Variants in SUN1 observed in about 807,000 individuals in gnomAD.
The protein encoded by SUN1 is SUN domain-containing protein 1.
A neutral mutation model predicts 103.2 loss-of-function variants in SUN1; 61 were observed. The observed-to-expected ratio is 0.59, with a 90% CI of 0.48 to 0.73. The LOEUF (loss-of-function observed/expected upper bound fraction) is 0.73, where lower values mean the gene tolerates loss of function less well. SUN1 is among the 30% of genes least tolerant of loss of function. The pLI is 0.00. For missense variants in SUN1, 1,052 were observed against 1,034.6 expected (o/e 1.02, Z -0.23); for synonymous variants, 490 against 425.7 (o/e 1.15, Z -1.86).
chr7:852,764 A>G (rs1440028732), intron 8 of SUN1, 46 bp from the exon 9 acceptor site: 1 of 1,612,282 alleles, frequency 6.2e-7, no homozygotes, highest in Non-Finnish European at 8.5e-7. Flanking sequence ...CCATGTTTTG[A>G]GAAGCGTGGT....
chr7:830,639 C>T (rs1007239915), upstream of SUN1, among the ~76,000 whole-genome samples: 3 of 152,180 alleles, frequency 2.0e-5, no homozygotes, highest in Non-Finnish European at 2.9e-5. Context: ...CCCTACCATC[C>T]CCATCTTCCT....
At chr7:852,555 G>C in intron 7 of SUN1, 54 bp from the exon 8 acceptor site, 1 of 1,608,172 alleles carries the variant, frequency 6.2e-7, no homozygotes, top group Non-Finnish European at 8.5e-7. Flanking sequence ...AAACAGATTG[G>C]TGAACCCTGA....
intron 2 of SUN1, among the ~76,000 whole-genome samples, chr7:840,639 C>CTT (rs540064618): frequency 0.026 from 3,270 of 127,572 alleles, 205 homozygotes; most frequent in East Asian, 0.18. Context: ...ACCATCTATT[C>CTT]TTTTTTTTTT....
upstream of SUN1, chr7:831,138 A>C: frequency 1.9e-6 from 1 of 517,576 alleles, no homozygotes; most frequent in Non-Finnish European, 2.5e-6. Flanking sequence ...GATCACAGTT[A>C]GTTTTATTTG....
At chr7:815,835 G>A (rs1780196317), upstream of SUN1, 1 of 203,926 alleles carries the variant, frequency 4.9e-6, no homozygotes, top group Non-Finnish European at 1.0e-5. Flanking sequence ...CCCGGCCTGC[G>A]AGCGCCTGCG....
At chr7:845,814 TC>T (rs1815008626) in intron 5 of SUN1, among the ~76,000 whole-genome samples, 1 of 152,190 alleles carries the variant, frequency 6.6e-6, no homozygotes, top group African/African-American at 2.4e-5. Context: ...GAGTGGGAAT[TC>T]TTACGCTTTT....
In SUN1 at chr7:825,409, A is replaced by G. The variant is rs1419751428; in HGVS notation, c.-74+8736A>G. Among the ~76,000 whole-genome samples the G allele has an allele frequency of 2.0e-5, 3 of 152,366 alleles. No individual in the cohort carries two copies. In the East Asian group the frequency reaches 5.8e-4, roughly 29 times the overall value. ...ATAAAACCAATACCTGCTCTTTAAAAAAATTTTCAAACAGCCTGAAAGGGG... is the reference window on the plus strand; with the variant it reads ...ATAAAACCAATACCTGCTCTTTAAAGAAATTTTCAAACAGCCTGAAAGGGG... On this transcript the variant is annotated intron_variant, in intron 1 of 17. Coordinates refer to the SUN1 transcript ENST00000389574.
chr7:852,197 T>C, intron 7 of SUN1, 154 bp downstream of exon 7: 1 of 705,508 alleles, frequency 1.4e-6, no homozygotes, highest in Non-Finnish European at 2.3e-6. Context: ...TTCTTATTTT[T>C]CAAACCAACC....
Position 853,422 on chromosome 7 carries a change from C to G in SUN1, c.1067C>G (p.Ala356Gly). 6.2e-7 allele frequency: 1 copy of G among 1,613,812 alleles called. No individual in the cohort carries two copies. The highest frequency in any genetic ancestry group is 8.5e-7 in the Non-Finnish European group (1 of 1,180,038). ...TTGCCATTTCAGGGTGACAGTGAGG[C>G]TTTTCCGTGGCATTGGATGAGTGGC... ...LKQPLQGDSE[A>G]FPWHWMSGVE... The change falls in exon 10 of 19, where the codon GCT (alanine) becomes GGT (glycine). Residue 356 changes from alanine to glycine, a missense_variant. Physicochemically the swap from Ala to Gly is moderately conservative, Grantham distance 60. Transcript: ENST00000401592.
intron 2 of SUN1, among the ~76,000 whole-genome samples, chr7:840,538 A>ACC (rs1306443433): frequency 2.6e-5 from 4 of 152,038 alleles, no homozygotes; most frequent in South Asian, 2.1e-4. Context: ...GGTTCCCCCT[A>ACC]CCTGACGGTG....
intron 1 of SUN1, among the ~76,000 whole-genome samples, chr7:818,863 T>TC (rs1226895605): frequency 5.6e-4 from 70 of 124,032 alleles, no homozygotes; most frequent in African/African-American, 2.3e-3. Context: ...CCCGCTCCCC[T>TC]CCCCCCCTTT....
chr7:821,143 C>T (rs1785498897), intron 1 of SUN1, among the ~76,000 whole-genome samples: 1 of 129,898 alleles, frequency 7.7e-6, no homozygotes, highest in African/African-American at 2.9e-5. Flanking sequence ...ATGCTAACAT[C>T]TATATTCAGC....
At chr7:841,867 G>A (rs1810315814) in intron 2 of SUN1, 79 bp from the exon 3 acceptor site, 2 of 1,454,858 alleles carry the variant, frequency 1.4e-6, no homozygotes. Context: ...CCCAGATTAA[G>A]AGTTTGTGTT....
chr7:854,774 C>T (rs1394906729), intron 10 of SUN1, 146 bp from the exon 11 acceptor site: 55 of 546,988 alleles, frequency 1.0e-4, no homozygotes, highest in Non-Finnish European at 1.5e-4. Flanking sequence ...TGTTATGAAG[C>T]GGATTATTCC....
intron 1 of SUN1, among the ~76,000 whole-genome samples, chr7:821,532 C>G (rs116625076): frequency 0.018 from 2,744 of 152,176 alleles, 92 homozygotes; most frequent in African/African-American, 0.063. Context: ...GTTTCCTGGT[C>G]CTGAATTTAT....
chr7:872,631 C>T (rs1330144321), intron 18 of SUN1, 69 bp downstream of exon 18: 6 of 1,267,152 alleles, frequency 4.7e-6, no homozygotes, highest in Non-Finnish European at 6.7e-6. Context: ...CAGGGCCCAG[C>T]TGGCATCAAC....
rs906706078 is a variant in SUN1, at chr7:869,641, C to T, written c.2148+125C>T. 128 of 1,187,642 alleles carry T rather than the reference C, an allele frequency of 1.1e-4. 1 individual carries two copies. Among genetic ancestry groups the T allele is most frequent in the Non-Finnish European group, 1.4e-4 (120 of 858,118 alleles). The allele number at this position is 1,187,642 out of a possible 1,614,324, so 73.6% of individuals were successfully genotyped here. ...CTGCCCCTCCGCCCTCTCTCAGATTCGGTGTTGAGGGGAACATTCCAGTGC... is the reference window on the plus strand; with the variant it reads ...CTGCCCCTCCGCCCTCTCTCAGATTTGGTGTTGAGGGGAACATTCCAGTGC... On this transcript the variant is annotated intron_variant, in intron 17 of 18. Transcript: ENST00000401592.
chr7:848,297 T>G, intron 5 of SUN1: 1 of 878,862 alleles, frequency 1.1e-6, no homozygotes, highest in East Asian at 5.5e-5. Flanking sequence ...CTTCCCCAAG[T>G]GATTATCTTT....
upstream of SUN1, among the ~76,000 whole-genome samples, chr7:829,980 C>G (rs1796467321): frequency 1.3e-5 from 2 of 152,236 alleles, no homozygotes; most frequent in Non-Finnish European, 2.9e-5. Context: ...TCATTTAATC[C>G]TTTTTTGACT....
Sources: allele counts gnomAD v4.1 joint callset (sites outside exome capture counted in the v4.1 genomes callset), GRCh38; gene constraint gnomAD v4.1.1; transcripts MANE v1.5; gene names NCBI Gene and HGNC (gene_info 2026-07-23, HGNC 2026-07-21).